The following CCNE1 variants were observed in gnomAD, a reference collection of about 807,000 sequenced individuals.
CCNE1 encodes the protein G1/S-specific cyclin-E1.
A neutral mutation model predicts 54.1 loss-of-function variants in CCNE1; 8 were observed. The observed-to-expected ratio is 0.15, with a 90% CI of 0.09 to 0.27. The LOEUF is 0.27. CCNE1 is among the 10% of genes least tolerant of loss of function. The pLI is 1.00. For synonymous variants in CCNE1, 179 were observed against 185.2 expected (o/e 0.97, Z 0.27); for missense variants, 430 against 514.9 (o/e 0.84, Z 1.60).
Position 29,823,947 on chromosome 19 carries a change from T to C in CCNE1, c.*170T>C. 1.4e-6 allele frequency: 1 copy of C among 699,086 alleles called. No individual in the cohort carries two copies. Among genetic ancestry groups the C allele is most frequent in the Non-Finnish European group, 2.2e-6 (1 of 459,054 alleles). The allele number at this position is 699,086 out of a possible 1,614,324, so 43.3% of individuals were successfully genotyped here. On this transcript the variant is annotated 3_prime_UTR_variant, in exon 12 of 12. Transcript: ENST00000262643. ...ATCAAACAGGGCAAAGTGTTTTTTA[T>C]TGAATGCTTATAGGTTTTTTTTAAA...
chr19:29,819,586 T>G (rs3218053), intron 6 of CCNE1, among the ~76,000 whole-genome samples: 26 of 152,308 alleles, frequency 1.7e-4, no homozygotes, highest in Middle Eastern at 3.4e-3. Context: ...CCAACTCAAA[T>G]CTTTTCTTGG....
intron 6 of CCNE1, among the ~76,000 whole-genome samples, chr19:29,818,954 G>A (rs982841642): frequency 6.6e-6 from 1 of 151,912 alleles, no homozygotes; most frequent in African/African-American, 2.4e-5. Flanking sequence ...TAGAGACGGG[G>A]TTTCCTCCAT....
rs2145728910 is a variant in CCNE1, at chr19:29,822,119, C to G, written c.829C>G (p.Gln277Glu). ...LPQYPQQIFI[Q>E]IAELLDLCVL... ...GCAGTATCCCCAGCAAATCTTTATA[C>G]AGATTGCAGAGGTAAGTGGCTCCAT... The change falls in exon 9 of 12, where the codon CAG becomes GAG. Residue 277 changes from glutamine to glutamate, a missense_variant. Gln to Glu is a conservative substitution (Grantham distance 29). Transcript: ENST00000262643. 6.2e-7 allele frequency: 1 copy of G among 1,613,562 alleles called. No individual in the cohort carries two copies.
intron 4 of CCNE1, among the ~76,000 whole-genome samples, chr19:29,816,438 C>T (rs1415133874): frequency 6.6e-6 from 1 of 152,170 alleles, no homozygotes; most frequent in African/African-American, 2.4e-5. Flanking sequence ...AATTACCCTG[C>T]AAGACTCAGG....
intron 2 of CCNE1, 31 bp from the exon 3 acceptor site, chr19:29,812,658 T>TCACCCGGCCCGGTGC: frequency 1.3e-6 from 2 of 1,566,262 alleles, no homozygotes; most frequent in Non-Finnish European, 1.7e-6. Context: ...CCGCGGGTGC[T>TCACCCGGCCCGGTGC]CACCCGGCCC....
In CCNE1 at chr19:29,821,683, T is replaced by C. The variant is rs368125449; in HGVS notation, c.610-39T>C. ...CATTATAAATTGAGACTGTTAGAGA[T>C]TGGCTTTGGTGCTAGTGCCATCTTT... On this transcript the variant is annotated intron_variant, in intron 7 of 11. Transcript: ENST00000262643. 70 of 1,181,834 alleles carry C rather than the reference T, an allele frequency of 5.9e-5. No individual in the cohort carries two copies. The African/African-American group carries it at 9.0e-4, about 15-fold the overall frequency. 73.2% of individuals were successfully genotyped at this position (1,181,834 alleles called of 1,614,324 possible). A position where few individuals can be genotyped will look rare whatever the true frequency, so the allele number is the denominator to read the frequency against.
chr19:29,823,882 A>G lies in CCNE1; in HGVS notation c.*105A>G. Reference sequence around the variant, plus strand: ...TTGCTTTTACAGATATCTGAATGGAAGAGTGTTTCTTCCACAACAGAAGTA... The same window carrying G: ...TTGCTTTTACAGATATCTGAATGGAGGAGTGTTTCTTCCACAACAGAAGTA... On this transcript the variant is annotated 3_prime_UTR_variant, in exon 12 of 12. Transcript: ENST00000262643. 8.2e-7 allele frequency: 1 copy of G among 1,225,236 alleles called. No individual in the cohort carries two copies. The highest frequency in any genetic ancestry group is 1.1e-6 in the Non-Finnish European group (1 of 898,122). 75.9% of individuals were successfully genotyped at this position (1,225,236 alleles called of 1,614,324 possible). A position where few individuals can be genotyped will look rare whatever the true frequency, so the allele number is the denominator to read the frequency against.
At chr19:29,812,650 G>T (rs780847169) in intron 2 of CCNE1, 39 bp from the exon 3 acceptor site, 1 of 1,560,706 alleles carries the variant, frequency 6.4e-7, no homozygotes, top group East Asian at 2.3e-5. Context: ...AGGGGCGGCC[G>T]CGGGTGCTCA....
intron 4 of CCNE1, among the ~76,000 whole-genome samples, chr19:29,815,622 CTTTTT>C (rs778868229): frequency 1.0e-5 from 1 of 99,644 alleles, no homozygotes; most frequent in Non-Finnish European, 2.0e-5. Context: ...ATGGTCTCTG[CTTTTT>C]TTTTTTTTTT....
At chr19:29,818,228 G>A (rs572393593) in intron 6 of CCNE1, among the ~76,000 whole-genome samples, 10 of 152,154 alleles carry the variant, frequency 6.6e-5, no homozygotes, top group Admixed American at 2.0e-4. Flanking sequence ...GGGTTTCACC[G>A]TGTTAGCCAG....
At chr19:29,819,211 T>G (rs962267791) in intron 6 of CCNE1, among the ~76,000 whole-genome samples, 1 of 151,968 alleles carries the variant, frequency 6.6e-6, no homozygotes, top group Non-Finnish European at 1.5e-5. Context: ...GCCACTGCAC[T>G]CCAGCCTAGG....
chr19:29,821,968 G>C (rs367929332), intron 8 of CCNE1, 28 bp from the exon 9 acceptor site: 30 of 1,595,412 alleles, frequency 1.9e-5, no homozygotes, highest in Middle Eastern at 1.7e-4. Context: ...CTCAATCATC[G>C]GTCTCTTTTC....
intron 11 of CCNE1, among the ~76,000 whole-genome samples, chr19:29,823,012 A>T (rs1974189328): frequency 6.6e-6 from 1 of 151,442 alleles, no homozygotes; most frequent in African/African-American, 2.4e-5. Context: ...TCCTTGAAAA[A>T]CTCCAATTTT....
intron 4 of CCNE1, among the ~76,000 whole-genome samples, chr19:29,814,777 G>A (rs3218036): frequency 0.23 from 35,531 of 152,034 alleles, 5,121 homozygotes; most frequent in Non-Finnish European, 0.32. Flanking sequence ...AGACCACATG[G>A]AAGCTTTTTA....
rs1198409859 is a variant in CCNE1, at chr19:29,824,103, G to A, written c.*326G>A. On this transcript the variant is annotated 3_prime_UTR_variant, in exon 12 of 12. Coordinates refer to ENST00000262643, the MANE Select transcript of CCNE1 (RefSeq NM_001238.4). Reference sequence around the variant, plus strand: ...TGAAGCTGTGGAGGGCCACGGTGGCGTGGCTCTCCTCGCAGGTGTTCTGGG... The same window carrying A: ...TGAAGCTGTGGAGGGCCACGGTGGCATGGCTCTCCTCGCAGGTGTTCTGGG... The A allele has an allele frequency of 3.8e-5, 11 of 292,832 alleles. No individual in the cohort carries two copies. Among genetic ancestry groups the A allele is most frequent in the Non-Finnish European group, 6.4e-5 (10 of 156,462 alleles). The allele number at this position is 292,832 out of a possible 1,614,324, so 18.1% of individuals were successfully genotyped here.
At position 29,822,686 on chromosome 19, in the gene CCNE1, G is replaced by C; in HGVS notation, c.1110+83G>C. On this transcript the variant is annotated intron_variant, in intron 11 of 11. Coordinates refer to ENST00000262643, the MANE Select transcript of CCNE1 (RefSeq NM_001238.4). Reference sequence around the variant, plus strand: ...AGGCCAGCCGCGGTGGTTCAGGCCTGTAAACCCAGCACTTTGGGAGGCCGA... The same window carrying C: ...AGGCCAGCCGCGGTGGTTCAGGCCTCTAAACCCAGCACTTTGGGAGGCCGA... 3 of 1,419,796 alleles carry C rather than the reference G, an allele frequency of 2.1e-6. No homozygotes were observed. The South Asian group carries it at 4.0e-5, about 19-fold the overall frequency. 87.9% of individuals were successfully genotyped at this position (1,419,796 alleles called of 1,614,324 possible).
chr19:29,815,789 C>T (rs1472145632), intron 4 of CCNE1, among the ~76,000 whole-genome samples: 7 of 151,278 alleles, frequency 4.6e-5, no homozygotes, highest in African/African-American at 1.5e-4. Flanking sequence ...CTACCACACC[C>T]GGCTAATTTT....
chr19:29,812,487 C>G (rs1039032382), intron 1 of CCNE1, 45 bp from the exon 2 acceptor site: 1 of 1,236,470 alleles, frequency 8.1e-7, no homozygotes, highest in Admixed American at 4.3e-5. Context: ...GGTACTGGGC[C>G]CGCGGCCTGA....
At chr19:29,823,247 A>G (rs1256607935) in intron 11 of CCNE1, among the ~76,000 whole-genome samples, 1 of 152,122 alleles carries the variant, frequency 6.6e-6, no homozygotes, top group Non-Finnish European at 1.5e-5. Flanking sequence ...CCTGTCCCTA[A>G]AAAATTTAAA....
Sources: gnomAD v4.1 joint callset for allele counts (sites outside exome capture counted in the v4.1 genomes callset) on GRCh38, gnomAD v4.1.1 for gene constraint, MANE v1.5 for transcripts, NCBI Gene and HGNC (gene_info 2026-07-23, HGNC 2026-07-21) for gene names.